SLC8A1: variants seen among roughly 807,000 people sequenced by gnomAD.
The protein encoded by SLC8A1 is solute carrier family 8 member A1.
Under a neutral mutation model 68.3 loss-of-function variants are expected in SLC8A1, and 18 were observed. The observed-to-expected ratio is 0.26, with a 90% CI of 0.18 to 0.39. The LOEUF is 0.39. SLC8A1 is among the 10% of genes least tolerant of loss of function. The pLI, the probability that SLC8A1 is intolerant of heterozygous loss-of-function variation, is 1.00. For synonymous variants in SLC8A1, 475 were observed against 415.5 expected (o/e 1.14, Z -1.74); for missense variants, 985 against 1,156.7 (o/e 0.85, Z 2.15).
intron 2 of SLC8A1, among the ~76,000 whole-genome samples, chr2:40,374,650 T>TG (rs1679217060): frequency 6.6e-6 from 1 of 151,946 alleles, no homozygotes; most frequent in South Asian, 2.1e-4. Flanking sequence ...ACCAAGGTGA[T>TG]GGTGGCAGAC....
intron 2 of SLC8A1, among the ~76,000 whole-genome samples, chr2:40,332,528 C>G (rs2076525961): frequency 6.6e-6 from 1 of 152,136 alleles, no homozygotes; most frequent in Non-Finnish European, 1.5e-5. Flanking sequence ...CTTCCTTATT[C>G]TGACCTTGTG....
chr2:40,321,405 G>C (rs1239327687), intron 2 of SLC8A1, among the ~76,000 whole-genome samples: 1 of 152,096 alleles, frequency 6.6e-6, no homozygotes, highest in Non-Finnish European at 1.5e-5. Context: ...TGCTAAGGCA[G>C]ACAGTGATCT....
In SLC8A1 at chr2:40,383,387, G is replaced by A. The variant is rs186787869; in HGVS notation, c.1808+45086C>T. Among the ~76,000 whole-genome samples the A allele has an allele frequency of 5.2e-3, 786 of 152,140 alleles. 6 individuals carry two copies. Among genetic ancestry groups the A allele is most frequent in the Non-Finnish European group, 8.0e-3 (541 of 67,982 alleles). ...CTCTTATCCTTCGCCATGTTTATAA[G>A]AAACATTTGACACAGGAACCATCCC... On this transcript the variant is annotated intron_variant, in intron 2 of 7. Transcript: ENST00000406785.
At chr2:40,385,350 A>T (rs1164410649) in intron 2 of SLC8A1, among the ~76,000 whole-genome samples, 2 of 146,694 alleles carry the variant, frequency 1.4e-5, no homozygotes, top group African/African-American at 5.5e-5. Flanking sequence ...ACACTTAAAG[A>T]AAGTTGTCTT....
intron 2 of SLC8A1, among the ~76,000 whole-genome samples, chr2:40,418,952 C>T (rs953455054): frequency 3.3e-5 from 5 of 152,138 alleles, no homozygotes; most frequent in African/African-American, 4.8e-5. Context: ...AGCCTAAACA[C>T]CAGTGGCAAG....
chr2:40,257,968 C>T (rs562903539), intron 2 of SLC8A1, among the ~76,000 whole-genome samples: 19 of 152,280 alleles, frequency 1.2e-4, no homozygotes, highest in South Asian at 6.2e-4. Flanking sequence ...AGGAGAATGG[C>T]GGGTGCCTGC....
At chr2:40,269,499 AC>A (rs765668964) in intron 2 of SLC8A1, among the ~76,000 whole-genome samples, 1 of 152,206 alleles carries the variant, frequency 6.6e-6, no homozygotes, top group Non-Finnish European at 1.5e-5. Flanking sequence ...AGACAATAAA[AC>A]TGATCAGAAA....
chr2:40,384,982 GTA>G (rs1351871573), intron 2 of SLC8A1, among the ~76,000 whole-genome samples: 1 of 151,952 alleles, frequency 6.6e-6, no homozygotes, highest in Non-Finnish European at 1.5e-5. Flanking sequence ...TTCTCCTTAA[GTA>G]TATAGAGTTC....
chr2:40,174,235 T>C (rs181908946), intron 4 of SLC8A1, among the ~76,000 whole-genome samples: 1 of 152,134 alleles, frequency 6.6e-6, no homozygotes, highest in East Asian at 1.9e-4. Context: ...ACATACATAA[T>C]TTATGAATTA....
chr2:40,387,029 A>G (rs1683783624), intron 2 of SLC8A1, among the ~76,000 whole-genome samples: 1 of 151,404 alleles, frequency 6.6e-6, no homozygotes, highest in South Asian at 2.1e-4. Context: ...ATTCACAGAG[A>G]TCAAATTGTA....
chr2:40,352,824 G>C (rs1422990524), intron 2 of SLC8A1, among the ~76,000 whole-genome samples: 4 of 152,148 alleles, frequency 2.6e-5, no homozygotes, highest in Non-Finnish European at 5.9e-5. Flanking sequence ...ACTAAGGAGA[G>C]GCCTCGATAT....
intron 2 of SLC8A1, among the ~76,000 whole-genome samples, chr2:40,237,703 TTTCTG>T (rs1374860452): frequency 6.6e-6 from 1 of 152,012 alleles, no homozygotes; most frequent in Admixed American, 6.5e-5. Context: ...GTTTCCAGTT[TTTCTG>T]TTCTGTTTTT....
exon 8 of SLC8A1, chr2:40,111,134 C>G (rs190761079): frequency 6.6e-6 from 1 of 152,032 alleles, no homozygotes; most frequent in Non-Finnish European, 1.5e-5. Flanking sequence ...AAAATTAGTG[C>G]TATTAGGCTA....
At chr2:40,248,352 G>T (rs375004255) in intron 2 of SLC8A1, among the ~76,000 whole-genome samples, 1 of 152,106 alleles carries the variant, frequency 6.6e-6, no homozygotes, top group Admixed American at 6.5e-5. Flanking sequence ...GGTACCTTTG[G>T]GAAGTGATTA....
chr2:40,320,700 C>T (rs1318301759), intron 2 of SLC8A1, among the ~76,000 whole-genome samples: 1 of 152,106 alleles, frequency 6.6e-6, no homozygotes, highest in African/African-American at 2.4e-5. Context: ...GATCATGGAA[C>T]ACAGGAGATC....
At chr2:40,261,721 T>C (rs1360153566) in intron 2 of SLC8A1, among the ~76,000 whole-genome samples, 1 of 90,576 alleles carries the variant, frequency 1.1e-5, no homozygotes, top group African/African-American at 4.5e-5. Context: ...GAGAAAAATG[T>C]GCGAGTGGGT....
intron 1 of SLC8A1, among the ~76,000 whole-genome samples, chr2:40,439,356 A>C (rs1203796539): frequency 6.6e-6 from 1 of 152,144 alleles, no homozygotes; most frequent in East Asian, 1.9e-4. Flanking sequence ...GAAAACATGC[A>C]GAAACATGAA....
intron 2 of SLC8A1, among the ~76,000 whole-genome samples, chr2:40,424,061 TA>T (rs1453960687): frequency 6.6e-6 from 1 of 151,970 alleles, no homozygotes; most frequent in Non-Finnish European, 1.5e-5. Context: ...TCGTATGCTT[TA>T]AAGGTAGCAG....
intron 2 of SLC8A1, among the ~76,000 whole-genome samples, chr2:40,214,779 A>AT (rs1421982099): frequency 6.6e-6 from 1 of 152,090 alleles, no homozygotes; most frequent in African/African-American, 2.4e-5. Flanking sequence ...ATGGATCAGT[A>AT]TTTTTTTGAG....
Sources: gnomAD v4.1 joint callset for allele counts (sites outside exome capture counted in the v4.1 genomes callset) on GRCh38, gnomAD v4.1.1 for gene constraint, MANE v1.5 for transcripts, NCBI Gene and HGNC (gene_info 2026-07-23, HGNC 2026-07-21) for gene names.